The following EXOC6 variants were observed in gnomAD, a reference collection of about 807,000 sequenced individuals.
EXOC6 encodes the protein exocyst complex component 6.
EXOC6 carries 60 observed loss-of-function variants against 112.5 expected under a neutral mutation model. The observed-to-expected ratio is 0.53, with a 90% CI of 0.43 to 0.66. The LOEUF (loss-of-function observed/expected upper bound fraction) is 0.66. Ranked by LOEUF, EXOC6 falls within the 30% of genes least tolerant of loss-of-function variation. The probability of loss-of-function intolerance (pLI) is 0.00; values close to 1 mark genes in which losing one functional copy is unlikely to be tolerated. For missense variants in EXOC6, 855 were observed against 957.1 expected (o/e 0.89, Z 1.41); for synonymous variants, 295 against 308.0 (o/e 0.96, Z 0.44).
chr10:92,981,790 A>C (rs745938774), intron 18 of EXOC6, among the ~76,000 whole-genome samples: 2 of 152,182 alleles, frequency 1.3e-5, no homozygotes, highest in South Asian at 2.1e-4. Flanking sequence ...GATTTTCTGC[A>C]TTAATGGAAG....
intron 17 of EXOC6, among the ~76,000 whole-genome samples, chr10:92,957,366 T>G (rs1589911317): frequency 6.6e-6 from 1 of 152,148 alleles, no homozygotes; most frequent in East Asian, 1.9e-4. Context: ...ATTATTCTTA[T>G]CGGTCATAAG....
rs967211893 is a variant in EXOC6 at position 92,954,642 on chromosome 10, A to G, written c.1539A>G (p.Ile513Met). 1.3e-6 allele frequency: 2 copies of G among 1,585,102 alleles called. No homozygotes were observed. The highest frequency in any genetic ancestry group is 1.7e-6 in the Non-Finnish European group (2 of 1,157,096). ...TCTTTGTTTTTAGCTCAACAGAAAT[A>G]GACGATATGCTTAGAAAATCAACAA... ...SESLHRSSTE[I>M]DDMLRKSTNL... Residue 513 changes from isoleucine to methionine, a missense_variant, in exon 16 of 22, where the codon ATA becomes ATG. Physicochemically the swap from Ile to Met is conservative, Grantham distance 10. Around this residue, in one of 2 missense-constraint regions of EXOC6, gnomAD observed 450 missense variants for 563.5 expected, o/e 0.80. Transcript: ENST00000260762.
chr10:92,861,459 C>T (rs1043533053), intron 1 of EXOC6, among the ~76,000 whole-genome samples: 4 of 152,152 alleles, frequency 2.6e-5, no homozygotes, highest in Non-Finnish European at 4.4e-5. Context: ...TGTTCTATGA[C>T]ATCCTCCAGG....
At chr10:92,906,159 A>G (rs527620766) in intron 5 of EXOC6, among the ~76,000 whole-genome samples, 4 of 152,142 alleles carry the variant, frequency 2.6e-5, no homozygotes, top group African/African-American at 9.6e-5. Flanking sequence ...TAGCTGATCT[A>G]CCTTTCTTTC....
chr10:93,002,633 CT>C (rs1319126533), intron 19 of EXOC6, among the ~76,000 whole-genome samples: 3 of 152,148 alleles, frequency 2.0e-5, no homozygotes, highest in Admixed American at 2.0e-4. Flanking sequence ...TATTCAGAAC[CT>C]TATGGGTACC....
chr10:93,021,525 C>T (rs567995341), intron 20 of EXOC6, among the ~76,000 whole-genome samples: 7 of 152,246 alleles, frequency 4.6e-5, no homozygotes, highest in East Asian at 3.9e-4. Context: ...AACTTCATTC[C>T]GGTTTACCAG....
intron 1 of EXOC6, chr10:92,878,035 C>T (rs1349753057): frequency 1.3e-5 from 2 of 155,202 alleles, no homozygotes; most frequent in Non-Finnish European, 2.9e-5. Flanking sequence ...GATAATTAAA[C>T]TGGATGATGG....
intron 1 of EXOC6, among the ~76,000 whole-genome samples, chr10:92,890,558 CAG>C (rs1353415682): frequency 6.6e-6 from 1 of 151,998 alleles, no homozygotes; most frequent in East Asian, 1.9e-4. Context: ...AAGTGTGAAA[CAG>C]AGAGTATATT....
intron 1 of EXOC6, among the ~76,000 whole-genome samples, chr10:92,880,914 A>G (rs1488866554): frequency 1.3e-5 from 2 of 152,224 alleles, no homozygotes; most frequent in Non-Finnish European, 2.9e-5. Context: ...TATTTTAAAT[A>G]TTTTATGCAA....
intron 1 of EXOC6, among the ~76,000 whole-genome samples, chr10:92,866,151 CTT>C (rs1848164686): frequency 6.6e-6 from 1 of 152,136 alleles, no homozygotes; most frequent in Non-Finnish European, 1.5e-5. Flanking sequence ...ATATTTCTCT[CTT>C]ACTATTTTTC....
chr10:92,859,026 G>T (rs1442211539), intron 1 of EXOC6, among the ~76,000 whole-genome samples: 5 of 152,170 alleles, frequency 3.3e-5, no homozygotes, highest in South Asian at 2.1e-4. Context: ...CGGCCTCCCA[G>T]AGTGTTAGGA....
At chr10:92,891,383 ACTCAG>A (rs1230012692) in intron 1 of EXOC6, among the ~76,000 whole-genome samples, 1 of 152,204 alleles carries the variant, frequency 6.6e-6, no homozygotes, top group Non-Finnish European at 1.5e-5. Context: ...CCTAGTTCTA[ACTCAG>A]CTCTTACAGA....
chr10:92,853,583 A>G (rs1472534364), intron 1 of EXOC6, among the ~76,000 whole-genome samples: 1 of 152,250 alleles, frequency 6.6e-6, no homozygotes, highest in East Asian at 1.9e-4. Flanking sequence ...CCACATAAAT[A>G]GATTAACACA....
At chr10:92,889,070 G>A (rs1849367971) in intron 1 of EXOC6, among the ~76,000 whole-genome samples, 2 of 152,140 alleles carry the variant, frequency 1.3e-5, no homozygotes, top group African/African-American at 4.8e-5. Context: ...GGTGTTAGTG[G>A]TAGTCAGATC....
chr10:93,009,732 A>G (rs902993165), intron 19 of EXOC6, among the ~76,000 whole-genome samples: 3 of 152,180 alleles, frequency 2.0e-5, no homozygotes, highest in African/African-American at 7.2e-5. Context: ...ATGGAAAGAG[A>G]GTGGTATATG....
chr10:92,954,556 GTTAAA>G (rs1263901999), intron 15 of EXOC6, 69 bp from the exon 16 acceptor site: 1 of 680,252 alleles, frequency 1.5e-6, no homozygotes, highest in African/African-American at 1.9e-5. Context: ...AGTAAACTGT[GTTAAA>G]TTATTTAGGA....
At chr10:92,862,233 A>G (rs1192531135) in intron 1 of EXOC6, among the ~76,000 whole-genome samples, 2 of 152,192 alleles carry the variant, frequency 1.3e-5, no homozygotes, top group Non-Finnish European at 2.9e-5. Flanking sequence ...ATAGAGGAAT[A>G]TAATATGTGG....
intron 6 of EXOC6, among the ~76,000 whole-genome samples, chr10:92,911,901 TTCTC>T (rs113097452): frequency 0.18 from 24,431 of 139,444 alleles, 2,233 homozygotes; most frequent in East Asian, 0.35. Flanking sequence ...TCTTGTGGGT[TTCTC>T]TCTCTCTCTC....
rs761266310 is a variant in EXOC6, at chr10:93,058,407, C to T, written c.*52C>T. ...ACCAAATCCATGATTCAATGTTGAT[C>T]TTGAGCAAGTATTGGTCATGATACA... On this transcript the variant is annotated 3_prime_UTR_variant, in exon 22 of 22. Transcript: ENST00000260762. 3 of 1,502,996 alleles carry T rather than the reference C, an allele frequency of 2.0e-6. No homozygotes were observed. The highest frequency in any genetic ancestry group is 2.8e-5 in the African/African-American group (2 of 70,226). 93.1% of individuals were successfully genotyped at this position (1,502,996 alleles called of 1,614,324 possible).
Sources: allele counts gnomAD v4.1 joint callset (sites outside exome capture counted in the v4.1 genomes callset), GRCh38; gene constraint gnomAD v4.1.1; regional missense constraint gnomAD v4.1.1; transcripts MANE v1.5; gene names NCBI Gene and HGNC (gene_info 2026-07-23, HGNC 2026-07-21).